The following ZNF565 variants were observed in gnomAD, a reference collection of about 807,000 sequenced individuals.
The protein encoded by ZNF565 is zinc finger protein 565.
ZNF565 carries 27 observed loss-of-function variants against 39.4 expected under a neutral mutation model. The ratio of observed to expected loss-of-function variants is 0.69; its 90% CI spans 0.51 to 0.95. The LOEUF is 0.95. ZNF565 is among the 40% of genes least tolerant of loss of function. The pLI, the probability that ZNF565 is intolerant of heterozygous loss-of-function variation, is 0.00. For missense variants in ZNF565, 524 were observed against 621.1 expected (o/e 0.84, Z 1.66); for synonymous variants, 185 against 216.6 (o/e 0.85, Z 1.28).
At chr19:36,223,785 C>T (rs1183888676) in intron 1 of ZNF565, among the ~76,000 whole-genome samples, 2 of 151,844 alleles carry the variant, frequency 1.3e-5, no homozygotes, top group African/African-American at 2.4e-5. Flanking sequence ...CTTGATCTGT[C>T]ACCCAGGCTG....
intron 1 of ZNF565, among the ~76,000 whole-genome samples, chr19:36,224,075 C>T (rs1166686796): frequency 6.6e-6 from 1 of 152,132 alleles, no homozygotes; most frequent in Non-Finnish European, 1.5e-5. Flanking sequence ...CGTTCTTTGA[C>T]ATCATTTATT....
chr19:36,216,338 G>A (rs2145384937), upstream of ZNF565, among the ~76,000 whole-genome samples: 1 of 152,196 alleles, frequency 6.6e-6, no homozygotes, highest in Middle Eastern at 3.4e-3. Context: ...TTAAGTGAAT[G>A]TATTAATTTA....
In ZNF565 at chr19:36,182,837, G is replaced by A; in HGVS notation, c.1129C>T (p.Gln377Ter). The change falls in exon 5 of 5, where the codon CAG (glutamine) becomes TAG (stop). Residue 377 changes from glutamine (Q) to a stop codon, truncating the protein, a stop_gained. Transcript: ENST00000304116. LOFTEE classifies it high-confidence loss of function. ...ECGKAFRQHA[Q>*]LTRHQRVHTG... ...TGGACTCTCTGATGTCGTGTGAGCT[G>A]TGCGTGCTGTCTGAAGGCCTTCCCA... 6.2e-7 allele frequency: 1 copy of A among 1,614,156 alleles called. No individual in the cohort carries two copies. The highest frequency in any genetic ancestry group is 8.5e-7 in the Non-Finnish European group (1 of 1,180,040).
intron 1 of ZNF565, among the ~76,000 whole-genome samples, chr19:36,202,454 A>G (rs769729681): frequency 2.0e-5 from 3 of 152,156 alleles, no homozygotes; most frequent in Non-Finnish European, 4.4e-5. Context: ...CCTAAAAAGT[A>G]AGGAACCCAA....
chr19:36,213,574 CA>C (rs912211508), intron 1 of ZNF565, among the ~76,000 whole-genome samples: 18 of 152,058 alleles, frequency 1.2e-4, no homozygotes, highest in African/African-American at 4.3e-4. Context: ...TTAGTAGAGA[CA>C]GGGTTTTATC....
upstream of ZNF565, among the ~76,000 whole-genome samples, chr19:36,217,713 C>T (rs895577142): frequency 4.6e-5 from 7 of 151,844 alleles, no homozygotes; most frequent in African/African-American, 7.3e-5. Context: ...GGAGAAACCC[C>T]GTCTCTACTA....
intron 1 of ZNF565, among the ~76,000 whole-genome samples, chr19:36,206,734 A>C (rs926273893): frequency 9.9e-5 from 15 of 152,186 alleles, no homozygotes; most frequent in African/African-American, 3.6e-4. Context: ...CAGGAGGCTG[A>C]GGTGAGAGAA....
chr19:36,216,550 G>A (rs1976613392), upstream of ZNF565, among the ~76,000 whole-genome samples: 1 of 151,270 alleles, frequency 6.6e-6, no homozygotes, highest in African/African-American at 2.4e-5. Flanking sequence ...CTGAGCTACC[G>A]CGGAGGCTGA....
intron 4 of ZNF565, among the ~76,000 whole-genome samples, chr19:36,184,305 C>T (rs557815693): frequency 1.3e-5 from 2 of 151,748 alleles, no homozygotes; most frequent in Non-Finnish European, 2.9e-5. Flanking sequence ...CTTGCTCTGT[C>T]GCCCAGGCTG....
chr19:36,183,309 AC>A lies in ZNF565; in HGVS notation c.656del (p.Gly219ValfsTer48). ...AGTCCTTACAGTCATAAGGTTTCTC[AC>A]CCGTGTGAATTCTCTGATGCTGAAC... ...HLVQHQRIHT[G>X]EKPYDCKDCG... On this transcript the variant is annotated frameshift_variant, in exon 5 of 5. Transcript: ENST00000304116. LOFTEE classifies it high-confidence loss of function. The A allele has an allele frequency of 4.3e-6, 7 of 1,613,606 alleles. No homozygotes were observed. The highest frequency in any genetic ancestry group is 5.1e-6 in the Non-Finnish European group (6 of 1,179,860).
Position 36,183,188 on chromosome 19 carries a change from A to G in ZNF565, c.778T>C (p.Phe260Leu), listed in dbSNP as rs762242926. Reference sequence around the variant, plus strand: ...AGAATCAGCTGTGAATGCTGCCTAAAGGTCTTCCCACATTCTTTACATTCA... The same window carrying G: ...AGAATCAGCTGTGAATGCTGCCTAAGGGTCTTCCCACATTCTTTACATTCA... ...PYECKECGKT[F>L]RQHSQLILHQ... The change falls in exon 5 of 5, where the codon TTT (phenylalanine) becomes CTT (leucine). Residue 260 changes from phenylalanine to leucine, a missense_variant. Physicochemically the swap from Phe to Leu is conservative, Grantham distance 22. Coordinates refer to ENST00000304116, the MANE Select transcript of ZNF565 (RefSeq NM_152477.5). The G allele has an allele frequency of 1.2e-6, 2 of 1,614,144 alleles. No homozygotes were observed. The highest frequency in any genetic ancestry group is 2.2e-5 in the South Asian group (2 of 91,086).
intron 1 of ZNF565, among the ~76,000 whole-genome samples, chr19:36,209,788 C>T (rs1976286993): frequency 6.6e-6 from 1 of 151,990 alleles, no homozygotes; most frequent in Non-Finnish European, 1.5e-5. Context: ...TCACTATATA[C>T]TGTAAGACTA....
intron 1 of ZNF565, among the ~76,000 whole-genome samples, chr19:36,240,561 T>G (rs1977780676): frequency 6.6e-6 from 1 of 152,192 alleles, no homozygotes; most frequent in Non-Finnish European, 1.5e-5. Flanking sequence ...CATGAAAGGT[T>G]GAGACCCTTA....
At chr19:36,244,042 G>C (rs1977840223) in intron 1 of ZNF565, among the ~76,000 whole-genome samples, 1 of 151,946 alleles carries the variant, frequency 6.6e-6, no homozygotes, top group South Asian at 2.1e-4. Context: ...TACTGGCCTT[G>C]CACCAAGAAC....
At chr19:36,188,584 T>G (rs1339099279) in intron 4 of ZNF565, among the ~76,000 whole-genome samples, 1 of 147,676 alleles carries the variant, frequency 6.8e-6, no homozygotes, top group Non-Finnish European at 1.5e-5. Flanking sequence ...TGGTGGCGGG[T>G]GCCTGTAGTC....
At chr19:36,217,730 CA>C (rs1976670120), upstream of ZNF565, among the ~76,000 whole-genome samples, 1 of 151,550 alleles carries the variant, frequency 6.6e-6, no homozygotes, top group African/African-American at 2.4e-5. Context: ...ACTAAAAATA[CA>C]AAATTAGCCA....
rs1307100972 is a variant in ZNF565 at position 36,195,067 on chromosome 19, C to G, written c.99G>C (p.Glu33Asp). The change falls in exon 3 of 5, where the codon GAG becomes GAC. Residue 33 changes from glutamate to aspartate, a missense_variant. Physicochemically the swap from Glu to Asp is conservative, Grantham distance 45. Coordinates refer to ENST00000304116, the MANE Select transcript of ZNF565 (RefSeq NM_152477.5). The stretch of plus-strand genomic sequence containing the variant: ...AGTGACCAAAGTTCTCCAGAGTCAC[C>G]TCCCTGTACAAGTCCCTCTGAGCAG... ...LEPAQRDLYR[E>D]VTLENFGHLA... 10 of 1,614,186 alleles carry G rather than the reference C, an allele frequency of 6.2e-6. No homozygotes were observed. In the East Asian group the frequency reaches 1.8e-4, roughly 29 times the overall value.
At chr19:36,220,870 G>A (rs187425978) in intron 1 of ZNF565, among the ~76,000 whole-genome samples, 126 of 91,242 alleles carry the variant, frequency 1.4e-3, no homozygotes, top group Admixed American at 2.0e-3. Flanking sequence ...TTTTTTTTTT[G>A]AGATGTTGTC....
intron 1 of ZNF565, among the ~76,000 whole-genome samples, chr19:36,241,390 A>G (rs1977797059): frequency 6.6e-6 from 1 of 151,780 alleles, no homozygotes; most frequent in South Asian, 2.1e-4. Flanking sequence ...AGGTTAAGGC[A>G]GGAGAATCGC....
Sources: allele counts gnomAD v4.1 joint callset (sites outside exome capture counted in the v4.1 genomes callset), GRCh38; gene constraint gnomAD v4.1.1; transcripts MANE v1.5; gene names NCBI Gene and HGNC (gene_info 2026-07-23, HGNC 2026-07-21).